The following ZNF292 variants were observed in gnomAD, a reference collection of about 807,000 sequenced individuals.
ZNF292 encodes the protein zinc finger protein 292, also known as 16 zinc-finger domain protein.
Under a neutral mutation model 217.9 loss-of-function variants are expected in ZNF292, and 26 were observed. That is an observed-to-expected ratio of 0.12 (90% CI 0.09 to 0.17). ZNF292 has a LOEUF of 0.17. Ranked by LOEUF, ZNF292 falls within the 10% of genes least tolerant of loss-of-function variation. The pLI is 1.00. For synonymous variants in ZNF292, 1,257 were observed against 1,124.1 expected, an observed-to-expected ratio of 1.12 and a Z score of -2.37; for missense variants, 2,904 against 3,175.2, an observed-to-expected ratio of 0.91 and a Z score of 2.05.
At chr6:87,162,014 T>C (rs1468090236) in intron 1 of ZNF292, among the ~76,000 whole-genome samples, 2 of 152,248 alleles carry the variant, frequency 1.3e-5, no homozygotes, top group African/African-American at 4.8e-5. Flanking sequence ...CCTATTATAG[T>C]ATATAGTAAT....
At chr6:87,221,130 A>G (rs1180008273) in intron 4 of ZNF292, among the ~76,000 whole-genome samples, 2 of 152,126 alleles carry the variant, frequency 1.3e-5, no homozygotes, top group Non-Finnish European at 2.9e-5. Context: ...ACTAAAGCCC[A>G]GCTCAACTGA....
intron 7 of ZNF292, 100 bp downstream of exon 7, chr6:87,245,744 A>T: frequency 1.3e-6 from 1 of 775,232 alleles, no homozygotes; most frequent in South Asian, 3.1e-5. Context: ...AGTGATTTTT[A>T]AATTTTTTCA....
At chr6:87,208,871 G>A (rs889784991) in intron 1 of ZNF292, among the ~76,000 whole-genome samples, 3 of 152,076 alleles carry the variant, frequency 2.0e-5, no homozygotes, top group Non-Finnish European at 4.4e-5. Context: ...CAGTGAGTTG[G>A]AAAAAAGGGG....
At chr6:87,181,929 C>T (rs1771485114) in intron 1 of ZNF292, among the ~76,000 whole-genome samples, 1 of 152,128 alleles carries the variant, frequency 6.6e-6, no homozygotes, top group South Asian at 2.1e-4. Flanking sequence ...GGTGATCCGC[C>T]CATCTCGGCC....
intron 6 of ZNF292, among the ~76,000 whole-genome samples, chr6:87,244,983 G>A (rs1774498224): frequency 2.6e-5 from 4 of 152,190 alleles, no homozygotes; most frequent in African/African-American, 9.7e-5. Flanking sequence ...GCTCATGCCT[G>A]TAATCCCAGC....
intron 4 of ZNF292, among the ~76,000 whole-genome samples, chr6:87,224,517 T>C (rs1312002780): frequency 1.3e-5 from 2 of 152,038 alleles, no homozygotes; most frequent in African/African-American, 2.4e-5. Flanking sequence ...GACAACTACT[T>C]ATCTATCTGC....
chr6:87,193,470 G>A (rs1301167273), intron 1 of ZNF292, among the ~76,000 whole-genome samples: 1 of 151,796 alleles, frequency 6.6e-6, no homozygotes, highest in African/African-American at 2.4e-5. Context: ...AGCCTGAGAG[G>A]TTGAGGCTGG....
chr6:87,185,361 T>C (rs1771612985), intron 1 of ZNF292, among the ~76,000 whole-genome samples: 1 of 152,210 alleles, frequency 6.6e-6, no homozygotes, highest in Admixed American at 6.5e-5. Flanking sequence ...TTTCAACATT[T>C]AGGATTGTGT....
At chr6:87,204,502 A>C (rs962611086) in intron 1 of ZNF292, among the ~76,000 whole-genome samples, 6 of 146,498 alleles carry the variant, frequency 4.1e-5, no homozygotes, top group Admixed American at 4.1e-4. Flanking sequence ...TTGTTTCAAA[A>C]ATTTTTTTTT....
At chr6:87,211,034 A>G (rs1212932403) in intron 1 of ZNF292, among the ~76,000 whole-genome samples, 2 of 152,236 alleles carry the variant, frequency 1.3e-5, no homozygotes, top group Non-Finnish European at 2.9e-5. Context: ...CAAAACATCC[A>G]TGAGCCACTA....
chr6:87,235,685 TG>T (rs1773870611), intron 5 of ZNF292, among the ~76,000 whole-genome samples: 1 of 152,200 alleles, frequency 6.6e-6, no homozygotes, highest in Non-Finnish European at 1.5e-5. Flanking sequence ...CAGCCTACTC[TG>T]GGAGATGATC....
chr6:87,183,964 G>GT lies in ZNF292; in HGVS notation c.168+28206dup, dbSNP rs1771553493. ...GAGAGCCAAGATCTCAAGAGATTTT[G>GT]TCTTTCACAAATACAGATGTAAAAA... is the stretch of plus-strand genomic sequence containing the variant. On this transcript the variant is annotated intron_variant, in intron 1 of 7. Coordinates refer to ENST00000369577, the MANE Select transcript of ZNF292 (RefSeq NM_015021.3). Among the ~76,000 whole-genome samples, 3 of 152,150 alleles carry GT rather than the reference G, an allele frequency of 2.0e-5. No homozygotes were observed. In the South Asian group the frequency reaches 6.2e-4, roughly 31 times the overall value.
At chr6:87,237,965 A>C (rs1368869601) in intron 5 of ZNF292, among the ~76,000 whole-genome samples, 2 of 152,114 alleles carry the variant, frequency 1.3e-5, no homozygotes, top group African/African-American at 4.8e-5. Context: ...TTTGTATATG[A>C]CTTCCTTATT....
chr6:87,200,129 AG>A (rs1392625769), intron 1 of ZNF292, among the ~76,000 whole-genome samples: 1 of 152,168 alleles, frequency 6.6e-6, no homozygotes. Context: ...ATTCTGTATA[AG>A]GGGGTTTACT....
At chr6:87,247,658 C>T (rs1774672286) in intron 7 of ZNF292, among the ~76,000 whole-genome samples, 1 of 152,118 alleles carries the variant, frequency 6.6e-6, no homozygotes, top group African/African-American at 2.4e-5. Context: ...TAAAGCCCTG[C>T]TTTAACATGA....
At chr6:87,218,562 T>G (rs1442800505) in intron 3 of ZNF292, 34 bp from the exon 4 acceptor site, 1 of 1,499,856 alleles carries the variant, frequency 6.7e-7, no homozygotes, top group Non-Finnish European at 8.9e-7. Context: ...AAAAATCTGT[T>G]GTAATTCTTT....
At chr6:87,220,354 A>G (rs1036365804) in intron 4 of ZNF292, among the ~76,000 whole-genome samples, 1 of 152,224 alleles carries the variant, frequency 6.6e-6, no homozygotes, top group African/African-American at 2.4e-5. Context: ...TTATTTAACC[A>G]TCATAGTGAA....
chr6:87,169,136 G>A (rs1043126796), intron 1 of ZNF292, among the ~76,000 whole-genome samples: 5 of 151,838 alleles, frequency 3.3e-5, no homozygotes, highest in Non-Finnish European at 5.9e-5. Flanking sequence ...TCCGCCTCCC[G>A]GGTTCAAGCG....
In ZNF292 at chr6:87,260,790, A is replaced by G. The variant is rs1775537436; in HGVS notation, c.7161A>G (p.Pro2387=). The G allele has an allele frequency of 3.1e-6, 5 of 1,613,262 alleles. No individual in the cohort carries two copies. In the South Asian group the frequency reaches 3.3e-5, roughly 11 times the overall value. The part of the protein sequence containing the change: ...ECTSRFVTQY[P]CMIKGCTSVV... The stretch of plus-strand genomic sequence containing the variant: ...CAAGCAGATTTGTAACCCAGTATCC[A>G]TGTATGATAAAGGGATGTACTTCAG... The change falls in exon 8 of 8, where the codon CCA becomes CCG. Residue 2387 remains proline (P), a synonymous_variant. Transcript: ENST00000369577.
Sources: gnomAD v4.1 joint callset for allele counts (sites outside exome capture counted in the v4.1 genomes callset) on GRCh38, gnomAD v4.1.1 for gene constraint, MANE v1.5 for transcripts, NCBI Gene and HGNC (gene_info 2026-07-23, HGNC 2026-07-21) for gene names.